VPS8: variants seen among roughly 807,000 people sequenced by gnomAD.
The protein encoded by VPS8 is VPS8 subunit of CORVET complex.
In VPS8, 129 loss-of-function variants were observed where a neutral mutation model predicts 216.4. The ratio of observed to expected loss-of-function variants is 0.60; its 90% confidence interval spans 0.52 to 0.69. The LOEUF (loss-of-function observed/expected upper bound fraction) is 0.69, where lower values mean the gene tolerates loss of function less well. Ranked by LOEUF, VPS8 falls within the 30% of genes least tolerant of loss-of-function variation. The pLI is 0.00. For missense variants in VPS8, 1,531 were observed against 1,683.5 expected, an observed-to-expected ratio of 0.91 and a Z score of 1.59; for synonymous variants, 571 against 565.4, an observed-to-expected ratio of 1.01 and a Z score of -0.14.
At chr3:184,972,937 TA>T (rs1360407397) in intron 40 of VPS8, among the ~76,000 whole-genome samples, 1 of 152,246 alleles carries the variant, frequency 6.6e-6, no homozygotes. Context: ...TATATATCTA[TA>T]TTTAGCCATA....
At chr3:184,968,550 T>G (rs1747801183) in intron 39 of VPS8, among the ~76,000 whole-genome samples, 1 of 152,088 alleles carries the variant, frequency 6.6e-6, no homozygotes, top group Non-Finnish European at 1.5e-5. Flanking sequence ...TTATATTCTC[T>G]TTTTTTTAAT....
intron 25 of VPS8, among the ~76,000 whole-genome samples, chr3:184,902,147 T>C (rs1172509465): frequency 6.9e-6 from 1 of 145,208 alleles, no homozygotes; most frequent in African/African-American, 2.5e-5. Context: ...TTGGTGGAGA[T>C]GACCTGGGGT....
intron 29 of VPS8, among the ~76,000 whole-genome samples, chr3:184,921,584 T>C (rs757612598): frequency 7.9e-5 from 12 of 152,044 alleles, no homozygotes; most frequent in African/African-American, 1.2e-4. Flanking sequence ...TCTTCTTCTT[T>C]TTTTTTTGAG....
At chr3:184,830,206 AC>A (rs1486283089) in intron 3 of VPS8, among the ~76,000 whole-genome samples, 94 of 152,274 alleles carry the variant, frequency 6.2e-4, no homozygotes, top group Non-Finnish European at 1.2e-3. Context: ...AGCACCATGT[AC>A]TAAAAAGAGT....
chr3:185,046,383 G>T (rs1017083446), intron 46 of VPS8, among the ~76,000 whole-genome samples: 10 of 152,302 alleles, frequency 6.6e-5, no homozygotes, highest in African/African-American at 2.4e-4. Context: ...ATTAGGCTCA[G>T]TAAACATTAC....
At chr3:184,827,583 A>C (rs932964042) in intron 3 of VPS8, among the ~76,000 whole-genome samples, 2 of 152,242 alleles carry the variant, frequency 1.3e-5, no homozygotes, top group Non-Finnish European at 2.9e-5. Flanking sequence ...AAATAATCTT[A>C]GAGGACTGTG....
At chr3:184,975,209 A>T (rs1456335730) in intron 40 of VPS8, among the ~76,000 whole-genome samples, 1 of 151,892 alleles carries the variant, frequency 6.6e-6, no homozygotes, top group Non-Finnish European at 1.5e-5. Context: ...ATTTGTGTAT[A>T]TTCAGTTTCT....
intron 40 of VPS8, among the ~76,000 whole-genome samples, chr3:184,977,574 TTA>T (rs1749481977): frequency 6.6e-6 from 1 of 152,120 alleles, no homozygotes; most frequent in African/African-American, 2.4e-5. Context: ...TCTAAGAGTT[TTA>T]TACTCTGAGG....
At chr3:185,012,398 T>A (rs912607421) in intron 45 of VPS8, among the ~76,000 whole-genome samples, 9 of 148,586 alleles carry the variant, frequency 6.1e-5, no homozygotes, top group Non-Finnish European at 1.2e-4. Flanking sequence ...ATATAGAATA[T>A]ATATATAATT....
At chr3:184,926,283 A>G (rs1490876414) in intron 30 of VPS8, among the ~76,000 whole-genome samples, 2 of 151,794 alleles carry the variant, frequency 1.3e-5, no homozygotes, top group African/African-American at 4.8e-5. Flanking sequence ...AGGCTGAGGC[A>G]GGAGAATCAC....
intron 31 of VPS8, among the ~76,000 whole-genome samples, chr3:184,927,834 G>T (rs1739947065): frequency 6.6e-6 from 1 of 152,110 alleles, no homozygotes; most frequent in Non-Finnish European, 1.5e-5. Context: ...TCGTTCTTTT[G>T]TATTTAGCTT....
In VPS8 at chr3:184,826,231, G is replaced by C; in HGVS notation, c.222G>C (p.Glu74Asp). 1 of 1,605,560 alleles carries C rather than the reference G, an allele frequency of 6.2e-7. No homozygotes were observed. The highest frequency in any genetic ancestry group is 1.1e-5 in the South Asian group (1 of 89,864). ...TPPTLESILN[E>D]TDDEDESFIL... is the part of the protein sequence containing the mutation. Reference sequence around the variant, plus strand: ...CAACACTGGAAAGCATACTAAATGAGGTAAGTGAATATTAATGATTACTGT... The same window carrying C: ...CAACACTGGAAAGCATACTAAATGACGTAAGTGAATATTAATGATTACTGT... The change falls in exon 3 of 48, where the codon GAG (glutamate) becomes GAC (aspartate). Residue 74 changes from glutamate (E) to aspartate (D), a missense_variant and splice_region_variant. Around this residue, in one of 3 missense-constraint regions of VPS8, gnomAD observed 199 missense variants for 182.2 expected, o/e 1.09. Transcript: ENST00000625842.
chr3:185,024,056 A>G (rs1017359423), intron 45 of VPS8, among the ~76,000 whole-genome samples: 1 of 152,232 alleles, frequency 6.6e-6, no homozygotes, highest in Non-Finnish European at 1.5e-5. Flanking sequence ...TCATCACCAA[A>G]GATCTATTAT....
chr3:184,819,862 T>C (rs1478673841), intron 1 of VPS8, among the ~76,000 whole-genome samples: 1 of 152,204 alleles, frequency 6.6e-6, no homozygotes, highest in African/African-American at 2.4e-5. Context: ...TTGTGTGTTA[T>C]TTGTATTTAG....
At chr3:185,029,567 C>CTTT (rs767940348) in intron 46 of VPS8, among the ~76,000 whole-genome samples, 1 of 144,036 alleles carries the variant, frequency 6.9e-6, no homozygotes, top group African/African-American at 2.5e-5. Flanking sequence ...CAACATGTAT[C>CTTT]TTTTTTTTTT....
Position 185,052,219 on chromosome 3 carries a change from A to G in VPS8, c.*194A>G, listed in dbSNP as rs1714407406. 6 of 535,552 alleles carry G rather than the reference A, an allele frequency of 1.1e-5. No homozygotes were observed. Among genetic ancestry groups the G allele is most frequent in the Non-Finnish European group, 1.9e-5 (6 of 315,772 alleles). 33.2% of individuals were successfully genotyped at this position (535,552 alleles called of 1,614,324 possible). A position where few individuals can be genotyped will look rare whatever the true frequency, so the allele number is the denominator to read the frequency against. ...TCCCAGTCTTCTCCACATTGCTGTC[A>G]TGGCGTCAGTTCACCAGACTCATTG... On this transcript the variant is annotated 3_prime_UTR_variant, in exon 48 of 48. Coordinates refer to ENST00000625842, the MANE Select transcript of VPS8 (RefSeq NM_001009921.3).
At chr3:184,844,541 G>A (rs1722764163) in intron 8 of VPS8, among the ~76,000 whole-genome samples, 1 of 152,174 alleles carries the variant, frequency 6.6e-6, no homozygotes, top group Non-Finnish European at 1.5e-5. Flanking sequence ...CTAGGATGTA[G>A]GTATTTCCTT....
intron 1 of VPS8, among the ~76,000 whole-genome samples, chr3:184,813,226 T>C (rs942692321): frequency 8.5e-5 from 13 of 152,118 alleles, no homozygotes; most frequent in Non-Finnish European, 1.5e-4. Context: ...AGATTCTTGT[T>C]AGAATGAATA....
chr3:184,834,747 G>A lies in VPS8; in HGVS notation c.447+5G>A, dbSNP rs1433067337. 6.4e-7 allele frequency: 1 copy of A among 1,553,496 alleles called. No individual in the cohort carries two copies. The highest frequency in any genetic ancestry group is 8.7e-7 in the Non-Finnish European group (1 of 1,147,638). On this transcript the variant is annotated splice_donor_5th_base_variant and intron_variant, in intron 5 of 47. Coordinates refer to ENST00000625842, the MANE Select transcript of VPS8 (RefSeq NM_001009921.3). ...GCCCAGATAGTGTCTGCAGCTGTAA[G>A]TATTTTGTTCTTTTCCCTCAACTTT...
Sources: allele counts gnomAD v4.1 joint callset (sites outside exome capture counted in the v4.1 genomes callset), GRCh38; gene constraint gnomAD v4.1.1; regional missense constraint gnomAD v4.1.1; transcripts MANE v1.5; gene names NCBI Gene and HGNC (gene_info 2026-07-23, HGNC 2026-07-21).